The following STON2 variants were observed in gnomAD, a reference collection of about 807,000 sequenced individuals.
STON2 encodes the protein stonin 2.
A neutral mutation model predicts 65.7 loss-of-function variants in STON2; 29 were observed. That is an observed-to-expected ratio of 0.44 (90% CI 0.33 to 0.60). STON2 has a LOEUF of 0.60. Among genes scored for constraint, STON2 ranks in the 20% least tolerant of loss-of-function variants. The probability of loss-of-function intolerance (pLI) is 0.03; values close to 1 mark genes in which losing one functional copy is unlikely to be tolerated. For missense variants in STON2, 1,054 were observed against 1,118.1 expected (o/e 0.94, Z 0.82); for synonymous variants, 404 against 414.2 (o/e 0.98, Z 0.30).
At chr14:81,299,589 C>G (rs1345416976) in intron 5 of STON2, among the ~76,000 whole-genome samples, 1 of 152,144 alleles carries the variant, frequency 6.6e-6, no homozygotes, top group African/African-American at 2.4e-5. Context: ...CTTTATCAAC[C>G]TTCTTAACAA....
chr14:81,345,030 T>C (rs1570007), intron 4 of STON2, among the ~76,000 whole-genome samples: 4,832 of 152,266 alleles, frequency 0.032, 124 homozygotes, highest in South Asian at 0.075. Context: ...TCCTCCTTAT[T>C]ACATCTGTGG....
At chr14:81,334,150 A>G (rs1027148520) in intron 4 of STON2, among the ~76,000 whole-genome samples, 1 of 152,196 alleles carries the variant, frequency 6.6e-6, no homozygotes, top group Admixed American at 6.5e-5. Flanking sequence ...ATTTCATTAA[A>G]CCAGCCTTCT....
intron 4 of STON2, among the ~76,000 whole-genome samples, chr14:81,357,002 T>C (rs1043217692): frequency 3.9e-5 from 6 of 152,202 alleles, no homozygotes; most frequent in African/African-American, 1.4e-4. Flanking sequence ...AAGGACTTCA[T>C]GTCTAAAACA....
chr14:81,317,157 G>C (rs755858338), intron 5 of STON2, among the ~76,000 whole-genome samples: 1 of 152,218 alleles, frequency 6.6e-6, no homozygotes, highest in African/African-American at 2.4e-5. Flanking sequence ...GGGGGAGAAG[G>C]CATGTCACGT....
chr14:81,413,105 T>C, intron 2 of STON2: 1 of 1,177,954 alleles, frequency 8.5e-7, no homozygotes, highest in South Asian at 1.3e-5. Flanking sequence ...CAAGAAGGAA[T>C]GTGACAAGAA....
chr14:81,329,454 C>CAAAAAAAA (rs56370265), intron 4 of STON2, among the ~76,000 whole-genome samples: 67 of 118,474 alleles, frequency 5.7e-4, no homozygotes, highest in African/African-American at 2.0e-3. Flanking sequence ...GACTCTGTCT[C>CAAAAAAAA]AAAAAAAAAA....
intron 4 of STON2, among the ~76,000 whole-genome samples, chr14:81,325,144 T>C (rs760517010): frequency 1.3e-5 from 2 of 152,164 alleles, no homozygotes; most frequent in Non-Finnish European, 2.9e-5. Flanking sequence ...AACACTCACC[T>C]TTCCTCCACC....
At chr14:81,305,634 T>C (rs1218949417) in intron 5 of STON2, among the ~76,000 whole-genome samples, 1 of 151,950 alleles carries the variant, frequency 6.6e-6, no homozygotes. Flanking sequence ...ATTGCAAATA[T>C]CTCCTCCTCT....
chr14:81,400,540 C>T (rs1301193076), upstream of STON2, among the ~76,000 whole-genome samples: 5 of 149,384 alleles, frequency 3.3e-5, no homozygotes, highest in Admixed American at 2.0e-4. Context: ...AGTGTCATCA[C>T]TCAATGGGGA....
intron 4 of STON2, among the ~76,000 whole-genome samples, chr14:81,342,367 T>G: frequency 6.6e-6 from 1 of 152,152 alleles, no homozygotes; most frequent in Non-Finnish European, 1.5e-5. Flanking sequence ...GCTCCTGACT[T>G]CAGGTGATCC....
At chr14:81,296,483 A>G (rs547204735) in intron 5 of STON2, among the ~76,000 whole-genome samples, 1 of 152,292 alleles carries the variant, frequency 6.6e-6, no homozygotes, top group East Asian at 1.9e-4. Flanking sequence ...TAAAAATAGT[A>G]ACCTTTGTAT....
At chr14:81,283,685 C>T (rs1465011986) in intron 5 of STON2, among the ~76,000 whole-genome samples, 4 of 152,120 alleles carry the variant, frequency 2.6e-5, no homozygotes, top group African/African-American at 9.7e-5. Context: ...TGCCTGCCAC[C>T]ACGCCCGGCT....
At position 81,278,026 on chromosome 14, in the gene STON2, G is replaced by A. The variant is rs1894932537; in HGVS notation, c.1456C>T (p.Pro486Ser). The A allele has an allele frequency of 1.2e-6, 2 of 1,614,038 alleles. No homozygotes were observed. Among genetic ancestry groups the A allele is most frequent in the African/African-American group, 1.3e-5 (1 of 74,908 alleles). Residue 486 changes from proline (P) to serine (S), a missense_variant, in exon 6 of 8, where the codon CCA (proline) becomes TCA (serine). By Grantham distance (74) the Pro-to-Ser change is moderately conservative. Transcript: ENST00000614646. Reference sequence around the variant, plus strand: ...TTCTCAGGGATCCTCAACATCATTGGCCACCCGTCACGAGGCTGGGACCGT... The same window carrying A: ...TTCTCAGGGATCCTCAACATCATTGACCACCCGTCACGAGGCTGGGACCGT... ...SARSQPRDGW[P>S]MMLRIPEKKN...
chr14:81,345,872 TA>T (rs1897792356), intron 4 of STON2, among the ~76,000 whole-genome samples: 1 of 152,204 alleles, frequency 6.6e-6, no homozygotes, highest in African/African-American at 2.4e-5. Context: ...AAAAGTCAGC[TA>T]TCAATTTCAC....
intron 4 of STON2, among the ~76,000 whole-genome samples, chr14:81,335,019 T>TTGTGTG (rs61658924): frequency 6.8e-6 from 1 of 146,384 alleles, no homozygotes; most frequent in African/African-American, 2.6e-5. Flanking sequence ...TTTTTTGTAT[T>TTGTGTG]TGTGTGTGTG....
At chr14:81,308,365 G>A (rs1306587666) in intron 5 of STON2, among the ~76,000 whole-genome samples, 1 of 152,048 alleles carries the variant, frequency 6.6e-6, no homozygotes, top group African/African-American at 2.4e-5. Context: ...CACCATGCCT[G>A]GCTAATTTTT....
chr14:81,430,263 T>C lies in STON2; in HGVS notation c.-309-3051A>G, dbSNP rs187786395. ...TGTTGGTCTCGCTGTGGTTTAACTATCATTGATTTTATATAAATATTATGT... is the reference window on the plus strand; with the variant it reads ...TGTTGGTCTCGCTGTGGTTTAACTACCATTGATTTTATATAAATATTATGT... On this transcript the variant is annotated intron_variant, in intron 1 of 8. Transcript: ENST00000553821. Among the ~76,000 whole-genome samples the C allele has an allele frequency of 2.1e-3, 326 of 152,324 alleles. 2 individuals are homozygous for C. The highest frequency in any genetic ancestry group is 7.7e-3 in the African/African-American group (319 of 41,570).
chr14:81,398,419 T>A lies in STON2; in HGVS notation c.-37A>T. 6.5e-7 allele frequency: 1 copy of A among 1,533,640 alleles called. No individual in the cohort carries two copies. The highest frequency in any genetic ancestry group is 9.0e-7 in the Non-Finnish European group (1 of 1,107,124). On this transcript the variant is annotated 5_prime_UTR_variant, in exon 2 of 8. Coordinates refer to ENST00000614646, the MANE Select transcript of STON2 (RefSeq NM_001394390.1). ...ACTGGTCATCTTCACACTGCTGACC[T>A]CAGGTGAACCCCAGAATACTGTCTG...
intron 5 of STON2, among the ~76,000 whole-genome samples, chr14:81,304,760 T>A (rs1896108476): frequency 6.6e-6 from 1 of 152,098 alleles, no homozygotes; most frequent in Admixed American, 6.6e-5. Context: ...AGGGATGGAA[T>A]CAGGATTCAA....
Sources: gnomAD v4.1 joint callset for allele counts (sites outside exome capture counted in the v4.1 genomes callset) on GRCh38, gnomAD v4.1.1 for gene constraint, MANE v1.5 for transcripts, NCBI Gene and HGNC (gene_info 2026-07-23, HGNC 2026-07-21) for gene names.